The following PIANP variants were observed in gnomAD, a reference collection of about 807,000 sequenced individuals.
The protein encoded by PIANP is PILR alpha associated neural protein, also known as PILR alpha-associated neural protein.
In PIANP, 14 loss-of-function variants were observed where a neutral mutation model predicts 28.9. The ratio of observed to expected loss-of-function variants is 0.49; its 90% CI spans 0.32 to 0.76. The LOEUF is 0.76. Among genes scored for constraint, PIANP ranks in the 30% least tolerant of loss-of-function variants. The probability of loss-of-function intolerance (pLI) is 0.03; values close to 1 mark genes in which losing one functional copy is unlikely to be tolerated. For synonymous variants in PIANP, 149 were observed against 156.6 expected (o/e 0.95, Z 0.36); for missense variants, 322 against 371.8 (o/e 0.87, Z 1.10).
Position 6,697,780 on chromosome 12 carries a change from C to A in PIANP, c.30G>T (p.Leu10=). The A allele has an allele frequency of 1.3e-6, 2 of 1,545,212 alleles. No homozygotes were observed. Among genetic ancestry groups the A allele is most frequent in the Non-Finnish European group, 1.7e-6 (2 of 1,148,964 alleles). The change falls in exon 3 of 5, where the codon CTG becomes CTT. Residue 10 remains leucine, a synonymous_variant. Coordinates refer to ENST00000534837, the MANE Select transcript of PIANP (RefSeq NM_001244014.2). The surrounding 1 kb of genome is among the most constrained non-coding windows in gnomAD (Gnocchi z 6.9). Reference sequence around the variant, plus strand: ...GCCAGAGAGGGAGGAGGTGGGACAGCAGCAGCGCAGGCCTGCAAGAAGGGA... The same window carrying A: ...GCCAGAGAGGGAGGAGGTGGGACAGAAGCAGCGCAGGCCTGCAAGAAGGGA... MESRMWPAL[L]LSHLLPLWPL...
rs1408259107 is a variant in PIANP at position 6,693,994 on chromosome 12, AAGG to A, written c.*1429_*1431del. 6.5e-6 allele frequency: 1 copy of A among 153,492 alleles called. No individual in the cohort carries two copies. The highest frequency in any genetic ancestry group is 6.6e-5 in the Admixed American group (1 of 15,242). 9.5% of individuals were successfully genotyped at this position (153,492 alleles called of 1,614,324 possible). The stretch of plus-strand genomic sequence containing the variant: ...GGGGAAAGGGCAGGGAAGCAAAAGG[AAGG>A]AGAGTGGAAGGAAGGAGGGAGGAAA... On this transcript the variant is annotated 3_prime_UTR_variant, in exon 5 of 5. Transcript: ENST00000534837.
At position 6,695,388 on chromosome 12, in the gene PIANP, C is replaced by G. The variant is rs541546153; in HGVS notation, c.*38G>C. 3 of 1,439,054 alleles carry G rather than the reference C, an allele frequency of 2.1e-6. No homozygotes were observed. In the South Asian group the frequency reaches 5.0e-5, roughly 24 times the overall value. The allele number at this position is 1,439,054 out of a possible 1,614,324, so 89.1% of individuals were successfully genotyped here. A position where few individuals can be genotyped will look rare whatever the true frequency, so the allele number is the denominator to read the frequency against. ...ACCCCAGCTCTGAAGACCTAAGTTGCCTTCCCTCTTTGCCCTCCCATCCCA... is the reference window on the plus strand; with the variant it reads ...ACCCCAGCTCTGAAGACCTAAGTTGGCTTCCCTCTTTGCCCTCCCATCCCA... On this transcript the variant is annotated 3_prime_UTR_variant, in exon 5 of 5. Transcript: ENST00000534837. The surrounding 1 kb of genome is among the most constrained non-coding windows in gnomAD (Gnocchi z 4.2).
Position 6,694,919 on chromosome 12 carries a change from G to T in PIANP, c.*507C>A. 1 of 1,282,900 alleles carries T rather than the reference G, an allele frequency of 7.8e-7. No individual in the cohort carries two copies. Among genetic ancestry groups the T allele is most frequent in the Non-Finnish European group, 1.1e-6 (1 of 947,664 alleles). The allele number at this position is 1,282,900 out of a possible 1,614,324, so 79.5% of individuals were successfully genotyped here. A position where few individuals can be genotyped will look rare whatever the true frequency, so the allele number is the denominator to read the frequency against. Reference sequence around the variant, plus strand: ...GGAGTGTTCCGGGTGGTGTGCAAGGGGCAGGAGCCAGGAGCCCCTGTGGCC... The same window carrying T: ...GGAGTGTTCCGGGTGGTGTGCAAGGTGCAGGAGCCAGGAGCCCCTGTGGCC... On this transcript the variant is annotated 3_prime_UTR_variant, in exon 5 of 5. Transcript: ENST00000534837. This position sits in a 1 kb window ranked among gnomAD's most constrained non-coding sequence, Gnocchi z 6.1.
chr12:6,698,149 A>G (rs1959937333), intron 1 of PIANP, 45 bp from the exon 2 acceptor site: 1 of 1,426,200 alleles, frequency 7.0e-7, no homozygotes, highest in Non-Finnish European at 9.7e-7. Flanking sequence ...TGCCCTGTGT[A>G]CTTCCCCAGC....
Position 6,695,478 on chromosome 12 carries a change from C to T in PIANP, c.779G>A (p.Arg260Gln), listed in dbSNP as rs371265054. Residue 260 changes from arginine to glutamine, a missense_variant, in exon 5 of 5, where the codon CGG becomes CAG. Arg to Gln is a conservative substitution (Grantham distance 43, BLOSUM62 1). Coordinates refer to ENST00000534837, the MANE Select transcript of PIANP (RefSeq NM_001244014.2). This position sits in a 1 kb window ranked among gnomAD's most constrained non-coding sequence, Gnocchi z 4.2. Reference protein sequence around the residue: ...PDHEEPRGGPRPGMPHPKGAP... With the variant: ...PDHEEPRGGPQPGMPHPKGAP... ...CCCCTTGGGGTGGGGCATCCCAGGCCGGGGTCCCCCTCGGGGCTCCTCATG... is the reference window on the plus strand; with the variant it reads ...CCCCTTGGGGTGGGGCATCCCAGGCTGGGGTCCCCCTCGGGGCTCCTCATG... 10 of 1,522,674 alleles carry T rather than the reference C, an allele frequency of 6.6e-6. No homozygotes were observed. The highest frequency in any genetic ancestry group is 5.2e-5 in the South Asian group (4 of 76,532). The allele number at this position is 1,522,674 out of a possible 1,614,324, so 94.3% of individuals were successfully genotyped here.
chr12:6,696,749 A>G lies in PIANP; in HGVS notation c.524-225T>C, dbSNP rs1189148035. ...TCCCAAATGTATTTCACCAAATCTT[A>G]TGTGTATATGTGATGAGGATGAGGC... is the stretch of plus-strand genomic sequence containing the variant. On this transcript the variant is annotated intron_variant, in intron 3 of 4. Coordinates refer to ENST00000534837, the MANE Select transcript of PIANP (RefSeq NM_001244014.2). The surrounding 1 kb of genome is among the most constrained non-coding windows in gnomAD (Gnocchi z 4.0). 2.0e-5 allele frequency among the ~76,000 whole-genome samples: 3 copies of G among 152,062 alleles called. No individual in the cohort carries two copies. The highest frequency in any genetic ancestry group is 7.3e-5 in the African/African-American group (3 of 41,378).
chr12:6,694,700 T>G lies in PIANP; in HGVS notation c.*726A>C. 19 of 287,012 alleles carry G rather than the reference T, an allele frequency of 6.6e-5. No homozygotes were observed. Among genetic ancestry groups the G allele is most frequent in the East Asian group, 1.1e-4 (2 of 17,410 alleles). The allele number at this position is 287,012 out of a possible 1,614,324, so 17.8% of individuals were successfully genotyped here. A position where few individuals can be genotyped will look rare whatever the true frequency, so the allele number is the denominator to read the frequency against. On this transcript the variant is annotated 3_prime_UTR_variant, in exon 5 of 5. Coordinates refer to ENST00000534837, the MANE Select transcript of PIANP (RefSeq NM_001244014.2). The surrounding 1 kb of genome is among the most constrained non-coding windows in gnomAD (Gnocchi z 6.1). ...AGTGCAAATGTGAGACGAGAGAACATGAGAGTCAGCTGAGCGGAGCGGTAT... is the reference window on the plus strand; with the variant it reads ...AGTGCAAATGTGAGACGAGAGAACAGGAGAGTCAGCTGAGCGGAGCGGTAT...
Position 6,694,606 on chromosome 12 carries a change from CAT to C in PIANP, c.*818_*819del, listed in dbSNP as rs1214212415. ...CCACAACATCAGGCCGGGAAACGCA[CAT>C]GAGAGGTAAAGTGTGCAGGAAACGC... On this transcript the variant is annotated 3_prime_UTR_variant, in exon 5 of 5. Transcript: ENST00000534837. The surrounding 1 kb of genome is among the most constrained non-coding windows in gnomAD (Gnocchi z 6.1). 1 of 162,480 alleles carries C rather than the reference CAT, an allele frequency of 6.2e-6. No homozygotes were observed. Among genetic ancestry groups the C allele is most frequent in the Non-Finnish European group, 1.3e-5 (1 of 74,450 alleles). The allele number at this position is 162,480 out of a possible 1,614,324, so 10.1% of individuals were successfully genotyped here. A position where few individuals can be genotyped will look rare whatever the true frequency, so the allele number is the denominator to read the frequency against.
chr12:6,696,586 G>C lies in PIANP; in HGVS notation c.524-62C>G. The stretch of plus-strand genomic sequence containing the variant: ...AGGTGGTAGGAGCCAAGAGGGGCTG[G>C]GGGCTGGGCTGTGGGCTCTGTCGGC... On this transcript the variant is annotated intron_variant, in intron 3 of 4. Coordinates refer to ENST00000534837, the MANE Select transcript of PIANP (RefSeq NM_001244014.2). The surrounding 1 kb of genome is among the most constrained non-coding windows in gnomAD (Gnocchi z 4.0). 8.0e-7 allele frequency: 1 copy of C among 1,249,334 alleles called. No homozygotes were observed. Among genetic ancestry groups the C allele is most frequent in the Non-Finnish European group, 1.1e-6 (1 of 913,572 alleles). 77.4% of individuals were successfully genotyped at this position (1,249,334 alleles called of 1,614,324 possible).
downstream of PIANP, among the ~76,000 whole-genome samples, chr12:6,692,607 C>T (rs569750236): frequency 1.3e-5 from 2 of 152,326 alleles, no homozygotes; most frequent in African/African-American, 4.8e-5. Flanking sequence ...GGGATATCTT[C>T]ATGCCCCCAG....
chr12:6,700,410 G>A lies in PIANP; in HGVS notation c.-44+204C>T, dbSNP rs528387855. 2 of 152,476 alleles carry A rather than the reference G, an allele frequency of 1.3e-5. No homozygotes were observed. The highest frequency in any genetic ancestry group is 1.9e-4 in the East Asian group (1 of 5,166). 9.4% of individuals were successfully genotyped at this position (152,476 alleles called of 1,614,324 possible). A position where few individuals can be genotyped will look rare whatever the true frequency, so the allele number is the denominator to read the frequency against. On this transcript the variant is annotated intron_variant, in intron 1 of 4. Coordinates refer to ENST00000534837, the MANE Select transcript of PIANP (RefSeq NM_001244014.2). This position sits in a 1 kb window ranked among gnomAD's most constrained non-coding sequence, Gnocchi z 5.5. Reference sequence around the variant, plus strand: ...GCGGGATGGAGGCAGCCGCGGGGACGGGGACGGCTGCGCCAGGGAGGGCGG... The same window carrying A: ...GCGGGATGGAGGCAGCCGCGGGGACAGGGACGGCTGCGCCAGGGAGGGCGG...
Position 6,694,989 on chromosome 12 carries a change from G to A in PIANP, c.*437C>T. 2.0e-6 allele frequency: 3 copies of A among 1,536,528 alleles called. No individual in the cohort carries two copies. The highest frequency in any genetic ancestry group is 2.6e-6 in the Non-Finnish European group (3 of 1,139,208). ...CCACCCTCAGTGGGATGGGGGCTGT[G>A]CCGGCCCCTTGGCCTCCTGCTTGGC... On this transcript the variant is annotated 3_prime_UTR_variant, in exon 5 of 5. Coordinates refer to ENST00000534837, the MANE Select transcript of PIANP (RefSeq NM_001244014.2). This position sits in a 1 kb window ranked among gnomAD's most constrained non-coding sequence, Gnocchi z 6.1.
rs538509650 is a variant in PIANP, at chr12:6,698,408, T to A, written c.-43-304A>T. 5.9e-5 allele frequency: 24 copies of A among 404,896 alleles called. 2 individuals are homozygous for A. The South Asian group carries it at 6.1e-4, about 10-fold the overall frequency. The allele number at this position is 404,896 out of a possible 1,614,324, so 25.1% of individuals were successfully genotyped here. On this transcript the variant is annotated intron_variant, in intron 1 of 4. Coordinates refer to ENST00000534837, the MANE Select transcript of PIANP (RefSeq NM_001244014.2). ...CTCTGCCCACAGCTCCAGGCTTTTC[T>A]TGGATCTTAATTTAGAGCCAAGAAC...
chr12:6,695,304 G>A lies in PIANP; in HGVS notation c.*122C>T. On this transcript the variant is annotated 3_prime_UTR_variant, in exon 5 of 5. Coordinates refer to ENST00000534837, the MANE Select transcript of PIANP (RefSeq NM_001244014.2). The surrounding 1 kb of genome is among the most constrained non-coding windows in gnomAD (Gnocchi z 4.2). Reference sequence around the variant, plus strand: ...GGAGCTGGTCCAGCCCCCTTGGGAGGGCCAGGGGCTGTGGGAGGCCACGCC... The same window carrying A: ...GGAGCTGGTCCAGCCCCCTTGGGAGAGCCAGGGGCTGTGGGAGGCCACGCC... 2 of 1,397,982 alleles carry A rather than the reference G, an allele frequency of 1.4e-6. No individual in the cohort carries two copies. The highest frequency in any genetic ancestry group is 1.8e-5 in the South Asian group (1 of 54,314). The allele number at this position is 1,397,982 out of a possible 1,614,324, so 86.6% of individuals were successfully genotyped here.
chr12:6,697,644 G>A lies in PIANP; in HGVS notation c.166C>T (p.Arg56Cys), dbSNP rs896317961. 2.6e-5 allele frequency: 41 copies of A among 1,558,658 alleles called. No homozygotes were observed. The highest frequency in any genetic ancestry group is 9.5e-5 in the African/African-American group (7 of 73,516). ...PCARGGPSAP[R>C]HVCVWERAPP... ...GCTCGCTCCCACACGCACACATGAC[G>A]TGGGGCCGAGGGGCCTCCCCTGGCA... Residue 56 changes from arginine (R) to cysteine (C), a missense_variant, in exon 3 of 5, where the codon CGT becomes TGT. Physicochemically the swap from Arg to Cys is radical, Grantham distance 180. Coordinates refer to ENST00000534837, the MANE Select transcript of PIANP (RefSeq NM_001244014.2). This position sits in a 1 kb window ranked among gnomAD's most constrained non-coding sequence, Gnocchi z 6.9.
At position 6,695,478 on chromosome 12, in the gene PIANP, CG is replaced by C; in HGVS notation, c.778del (p.Arg260GlyfsTer15). 1.3e-6 allele frequency: 2 copies of C among 1,522,782 alleles called. No individual in the cohort carries two copies. Among genetic ancestry groups the C allele is most frequent in the East Asian group, 2.4e-5 (1 of 41,598 alleles). The allele number at this position is 1,522,782 out of a possible 1,614,324, so 94.3% of individuals were successfully genotyped here. Reference protein sequence around the residue: ...PDHEEPRGGPRPGMPHPKGAP... With the variant: ...PDHEEPRGGPXPGMPHPKGAP... ...CCCCTTGGGGTGGGGCATCCCAGGCCGGGGTCCCCCTCGGGGCTCCTCATGG... is the reference window on the plus strand; with the variant it reads ...CCCCTTGGGGTGGGGCATCCCAGGCCGGGTCCCCCTCGGGGCTCCTCATGG... On this transcript the variant is annotated frameshift_variant, in exon 5 of 5. Coordinates refer to ENST00000534837, the MANE Select transcript of PIANP (RefSeq NM_001244014.2). LOFTEE classifies it high-confidence loss of function. The surrounding 1 kb of genome is among the most constrained non-coding windows in gnomAD (Gnocchi z 4.2).
chr12:6,697,969 G>A lies in PIANP; in HGVS notation c.17+76C>T. The A allele has an allele frequency of 6.5e-7, 1 of 1,539,998 alleles. No individual in the cohort carries two copies. Among genetic ancestry groups the A allele is most frequent in the Non-Finnish European group, 8.8e-7 (1 of 1,137,234 alleles). On this transcript the variant is annotated intron_variant, in intron 2 of 4. Transcript: ENST00000534837. This position sits in a 1 kb window ranked among gnomAD's most constrained non-coding sequence, Gnocchi z 6.9. ...ATGGCCCTCAGGATGGGAAGGCTCT[G>A]GATGGGTCTAGGAAGGAAGGAGTCA...
chr12:6,695,307 C>T lies in PIANP; in HGVS notation c.*119G>A. On this transcript the variant is annotated 3_prime_UTR_variant, in exon 5 of 5. Transcript: ENST00000534837. The surrounding 1 kb of genome is among the most constrained non-coding windows in gnomAD (Gnocchi z 4.2). ...GCTGGTCCAGCCCCCTTGGGAGGGC[C>T]AGGGGCTGTGGGAGGCCACGCCTGC... The T allele has an allele frequency of 7.1e-7, 1 of 1,399,808 alleles. No homozygotes were observed. Among genetic ancestry groups the T allele is most frequent in the African/African-American group, 1.5e-5 (1 of 68,882 alleles). The allele number at this position is 1,399,808 out of a possible 1,614,324, so 86.7% of individuals were successfully genotyped here. A position where few individuals can be genotyped will look rare whatever the true frequency, so the allele number is the denominator to read the frequency against.
In PIANP at chr12:6,694,167, C is replaced by T. The variant is rs907039418; in HGVS notation, c.*1259G>A. 6.5e-6 allele frequency: 1 copy of T among 153,910 alleles called. No homozygotes were observed. Among genetic ancestry groups the T allele is most frequent in the African/African-American group, 2.4e-5 (1 of 41,430 alleles). The allele number at this position is 153,910 out of a possible 1,614,324, so 9.5% of individuals were successfully genotyped here. On this transcript the variant is annotated 3_prime_UTR_variant, in exon 5 of 5. Coordinates refer to ENST00000534837, the MANE Select transcript of PIANP (RefSeq NM_001244014.2). This position sits in a 1 kb window ranked among gnomAD's most constrained non-coding sequence, Gnocchi z 6.1. ...GGAGGCTGGGAAGGGAGGACTGGCT[C>T]AGGGGGCTCTGAAGTCCAGAGAATG...
Sources: gnomAD v4.1 joint callset for allele counts (sites outside exome capture counted in the v4.1 genomes callset) on GRCh38, gnomAD v4.1.1 for gene constraint, Gnocchi (gnomAD v3.1) non-coding constraint, MANE v1.5 for transcripts, NCBI Gene and HGNC (gene_info 2026-07-23, HGNC 2026-07-21) for gene names.